AAMDC: variants seen among roughly 807,000 people sequenced by gnomAD.
The protein encoded by AAMDC is mth938 domain-containing protein.
Under a neutral mutation model 15.5 loss-of-function variants are expected in AAMDC, and 16 were observed. That is an observed-to-expected ratio of 1.03 (90% CI 0.70 to 1.57). The LOEUF is 1.57. AAMDC is among the 40% of genes most tolerant of loss of function. The pLI is 0.00. For synonymous variants in AAMDC, 51 were observed against 51.6 expected, an observed-to-expected ratio of 0.99 and a Z score of 0.05; for missense variants, 141 against 144.9, an observed-to-expected ratio of 0.97 and a Z score of 0.14.
At chr11:77,891,182 G>A (rs1336798672) in intron 5 of AAMDC, 4 of 721,380 alleles carry the variant, frequency 5.5e-6, no homozygotes, top group Non-Finnish European at 9.1e-6. Context: ...TTCAAGCCTA[G>A]GTTCTTTCCC....
At position 77,891,436 on chromosome 11, in the gene AAMDC, G is replaced by A. The variant is rs149854391; in HGVS notation, c.329-9135G>A. 2.2e-3 allele frequency: 3,483 copies of A among 1,613,606 alleles called. 5 individuals are homozygous for A. Among genetic ancestry groups the A allele is most frequent in the Non-Finnish European group, 2.7e-3 (3,236 of 1,179,682 alleles). ...GGTTGTCTGACTCGCCCGCTGGCTC[G>A]ATGATGGTGGCTGAGGCTTTGTGGA... On this transcript the variant is annotated intron_variant, in intron 5 of 5. Coordinates refer to the AAMDC transcript ENST00000304716.
chr11:77,832,978 TGTGTGTGTGTGTGTG>T (rs1949508999), intron 1 of AAMDC, among the ~76,000 whole-genome samples: 1 of 67,780 alleles, frequency 1.5e-5, no homozygotes, highest in Non-Finnish European at 2.8e-5. Flanking sequence ...TGTGTGTGTG[TGTGTGTGTGTGTGTG>T]TGTGTATATA....
At chr11:77,890,665 A>G (rs926735820) in intron 5 of AAMDC, among the ~76,000 whole-genome samples, 1 of 152,200 alleles carries the variant, frequency 6.6e-6, no homozygotes, top group Non-Finnish European at 1.5e-5. Context: ...CCCGAGAGGA[A>G]GAACTGTGAC....
At chr11:77,901,442 A>G (rs1227335528), downstream of AAMDC, 2 of 1,613,956 alleles carry the variant, frequency 1.2e-6, no homozygotes, top group Admixed American at 3.3e-5. Context: ...TCGTGCTGTT[A>G]CTATAAGTTG....
chr11:77,873,823 G>C (rs608539), downstream of AAMDC, among the ~76,000 whole-genome samples: 60,714 of 151,984 alleles, frequency 0.4, 12,720 homozygotes, highest in African/African-American at 0.51. Flanking sequence ...CACTTACTTG[G>C]CAGCTCTTTT....
chr11:77,871,263 A>G (rs1386615711), intron 3 of AAMDC, among the ~76,000 whole-genome samples: 1 of 152,212 alleles, frequency 6.6e-6, no homozygotes, highest in Middle Eastern at 3.2e-3. Flanking sequence ...ATTAAAATCT[A>G]TTTTTAAAAA....
chr11:77,858,904 A>G (rs1171149170), intron 2 of AAMDC, among the ~76,000 whole-genome samples: 1 of 152,254 alleles, frequency 6.6e-6, no homozygotes, highest in African/African-American at 2.4e-5. Flanking sequence ...CAAGGAGGTT[A>G]GAGATACAGG....
intron 1 of AAMDC, among the ~76,000 whole-genome samples, chr11:77,827,223 G>A (rs1169786532): frequency 1.3e-5 from 2 of 152,038 alleles, no homozygotes; most frequent in African/African-American, 4.8e-5. Flanking sequence ...AGTTGAAATA[G>A]GAATCAATAC....
chr11:77,893,429 G>A (rs1449746613), intron 5 of AAMDC, among the ~76,000 whole-genome samples: 1 of 151,890 alleles, frequency 6.6e-6, no homozygotes, highest in African/African-American at 2.4e-5. Flanking sequence ...AACACAGCAA[G>A]ACCCCATCTC....
In AAMDC at chr11:77,842,687, C is replaced by T. The variant is rs938124889; in HGVS notation, c.132+59C>T. 31 of 1,594,514 alleles carry T rather than the reference C, an allele frequency of 1.9e-5. No individual in the cohort carries two copies. The African/African-American group carries it at 4.2e-4, about 22-fold the overall frequency. On this transcript the variant is annotated intron_variant, in intron 2 of 3. Transcript: ENST00000393427. ...GGCTGACCAAGTGATTTCCAACTTC[C>T]TAAGCTGCAATGACTAAGTGAAAAA... is the stretch of plus-strand genomic sequence containing the variant.
At chr11:77,877,070 A>G, downstream of AAMDC, 1 of 702,546 alleles carries the variant, frequency 1.4e-6, no homozygotes, top group Non-Finnish European at 2.6e-6. Flanking sequence ...TAGAAAAGTC[A>G]GCTCCCTGGA....
rs557861258 is a variant in AAMDC, at chr11:77,900,381, G to C, written c.329-190G>C. Among the ~76,000 whole-genome samples the C allele has an allele frequency of 6.9e-4, 105 of 152,218 alleles. 1 individual carries two copies. The highest frequency in any genetic ancestry group is 1.5e-3 in the South Asian group (7 of 4,818). On this transcript the variant is annotated intron_variant, in intron 5 of 5. Coordinates refer to the AAMDC transcript ENST00000304716. The stretch of plus-strand genomic sequence containing the variant: ...CCCAAAGTGCTGGGATTACAGGTGT[G>C]AGCCACCACACCCGGCCACATATGA...
intron 5 of AAMDC, among the ~76,000 whole-genome samples, chr11:77,881,760 A>G (rs777095137): frequency 6.6e-6 from 1 of 152,234 alleles, no homozygotes; most frequent in Non-Finnish European, 1.5e-5. Flanking sequence ...ATAGAAGCCT[A>G]CATCCTAATG....
intron 2 of AAMDC, among the ~76,000 whole-genome samples, chr11:77,852,730 G>A (rs1433457600): frequency 6.6e-6 from 1 of 151,958 alleles, no homozygotes; most frequent in Non-Finnish European, 1.5e-5. Context: ...GAAAAAATAA[G>A]CAAATACAAA....
intron 5 of AAMDC, among the ~76,000 whole-genome samples, chr11:77,899,776 C>G (rs3018415): frequency 0.81 from 123,174 of 151,978 alleles, 50,234 homozygotes; most frequent in African/African-American, 0.9. Flanking sequence ...TTATAATGCT[C>G]GGTGAAAGGA....
intron 5 of AAMDC, among the ~76,000 whole-genome samples, chr11:77,897,143 G>C (rs1952559666): frequency 6.6e-6 from 1 of 151,838 alleles, no homozygotes; most frequent in African/African-American, 2.4e-5. Flanking sequence ...TTCCATTTAT[G>C]TATGAGAGCA....
chr11:77,859,594 G>A (rs529502517), intron 2 of AAMDC, among the ~76,000 whole-genome samples: 9 of 152,280 alleles, frequency 5.9e-5, no homozygotes, highest in Non-Finnish European at 1.3e-4. Flanking sequence ...CTAGTTCCTG[G>A]AGTGAGGGGA....
At chr11:77,834,699 G>T (rs956158837) in intron 1 of AAMDC, among the ~76,000 whole-genome samples, 1 of 152,136 alleles carries the variant, frequency 6.6e-6, no homozygotes, top group African/African-American at 2.4e-5. Flanking sequence ...ACAGACGTGA[G>T]CCACTGCGCC....
chr11:77,836,879 C>T (rs182502820), intron 1 of AAMDC, among the ~76,000 whole-genome samples: 1 of 152,170 alleles, frequency 6.6e-6, no homozygotes, highest in African/African-American at 2.4e-5. Context: ...GCAGGAGAAT[C>T]GCTTGAACCC....
Sources: gnomAD v4.1 joint callset for allele counts (sites outside exome capture counted in the v4.1 genomes callset) on GRCh38, gnomAD v4.1.1 for gene constraint, MANE v1.5 for transcripts, NCBI Gene and HGNC (gene_info 2026-07-23, HGNC 2026-07-21) for gene names.